The following EPHA3 variants were observed in gnomAD, a reference collection of about 807,000 sequenced individuals.
EPHA3 encodes the protein EPH receptor A3.
Under a neutral mutation model 107.1 loss-of-function variants are expected in EPHA3, and 42 were observed. The ratio of observed to expected loss-of-function variants is 0.39; its 90% CI spans 0.31 to 0.51. The LOEUF (loss-of-function observed/expected upper bound fraction) is 0.51, where lower values mean the gene tolerates loss of function less well. EPHA3 is among the 20% of genes least tolerant of loss of function. The pLI is 0.78. For missense variants in EPHA3, 1,183 were observed against 1,211.2 expected (o/e 0.98, Z 0.35); for synonymous variants, 461 against 424.8 (o/e 1.09, Z -1.05).
chr3:89,191,850 T>C (rs573353471), intron 2 of EPHA3, among the ~76,000 whole-genome samples: 13 of 152,288 alleles, frequency 8.5e-5, no homozygotes, highest in Non-Finnish European at 1.3e-4. Flanking sequence ...CTTTATCAGC[T>C]TCTCTTAGTA....
At chr3:89,145,881 CT>C (rs2107028380) in intron 2 of EPHA3, among the ~76,000 whole-genome samples, 1 of 151,436 alleles carries the variant, frequency 6.6e-6, no homozygotes, top group East Asian at 1.9e-4. Flanking sequence ...ATATCTTTGG[CT>C]TTAAAATAAG....
chr3:89,414,104 AAC>A (rs1559687087), intron 10 of EPHA3, among the ~76,000 whole-genome samples: 1 of 151,668 alleles, frequency 6.6e-6, no homozygotes, highest in Non-Finnish European at 1.5e-5. Flanking sequence ...TTCTCTGTGT[AAC>A]ATCAGATCAC....
rs537594400 is a variant in EPHA3, at chr3:89,309,727, C to T, written c.815-31189C>T. Among the ~76,000 whole-genome samples the T allele has an allele frequency of 2.0e-5, 3 of 152,024 alleles. No homozygotes were observed. The East Asian group carries it at 5.8e-4, about 29-fold the overall frequency. ...TTTGGTTTCAGGCCAAACCTATGTTCCCTAGGTCAATAGTAATATGTCGAA... is the reference window on the plus strand; with the variant it reads ...TTTGGTTTCAGGCCAAACCTATGTTTCCTAGGTCAATAGTAATATGTCGAA... On this transcript the variant is annotated intron_variant, in intron 3 of 16. Transcript: ENST00000336596.
chr3:89,312,271 A>G (rs772787508), intron 3 of EPHA3, among the ~76,000 whole-genome samples: 1 of 151,920 alleles, frequency 6.6e-6, no homozygotes, highest in Non-Finnish European at 1.5e-5. Flanking sequence ...TTTATTTATT[A>G]ATTCCATGCA....
At chr3:89,443,564 C>T (rs1709823506) in intron 13 of EPHA3, among the ~76,000 whole-genome samples, 1 of 152,120 alleles carries the variant, frequency 6.6e-6, no homozygotes, top group East Asian at 1.9e-4. Context: ...ATGAACTGCA[C>T]CTTTAAAATG....
intron 5 of EPHA3, among the ~76,000 whole-genome samples, chr3:89,371,358 G>C (rs1304794854): frequency 6.6e-6 from 1 of 151,574 alleles, no homozygotes; most frequent in Non-Finnish European, 1.5e-5. Flanking sequence ...CTCATTTAAT[G>C]AACATGCCCT....
At chr3:89,300,371 T>C (rs1182791639) in intron 3 of EPHA3, among the ~76,000 whole-genome samples, 2 of 152,010 alleles carry the variant, frequency 1.3e-5, no homozygotes, top group African/African-American at 4.8e-5. Context: ...GTAAAGTATA[T>C]GTTTCAAACT....
intron 3 of EPHA3, among the ~76,000 whole-genome samples, chr3:89,244,527 AT>A (rs958364077): frequency 7.2e-5 from 11 of 152,090 alleles, no homozygotes; most frequent in African/African-American, 2.7e-4. Context: ...TATTTATATT[AT>A]TTTTCTGTAT....
At chr3:89,243,239 G>T (rs995715720) in intron 3 of EPHA3, among the ~76,000 whole-genome samples, 4 of 152,134 alleles carry the variant, frequency 2.6e-5, no homozygotes, top group African/African-American at 7.2e-5. Flanking sequence ...CTTTATAGCA[G>T]CATGATATAT....
At chr3:89,423,966 A>G (rs1159089103) in intron 11 of EPHA3, among the ~76,000 whole-genome samples, 2 of 151,486 alleles carry the variant, frequency 1.3e-5, no homozygotes, top group South Asian at 2.1e-4. Context: ...AAGAAATATG[A>G]TGAAGCACTA....
intron 1 of EPHA3, 106 bp from the exon 2 acceptor site, chr3:89,127,103 T>A: frequency 1.2e-6 from 1 of 818,164 alleles, no homozygotes; most frequent in Non-Finnish European, 2.1e-6. Flanking sequence ...GAAGGAAGAG[T>A]TATGTTTTTT....
chr3:89,410,070 C>T (rs1439695358), intron 9 of EPHA3, among the ~76,000 whole-genome samples: 1 of 151,944 alleles, frequency 6.6e-6, no homozygotes, highest in African/African-American at 2.4e-5. Context: ...GCCTGAATCA[C>T]CTGATTCCTG....
chr3:89,254,923 A>T (rs1705246312), intron 3 of EPHA3, among the ~76,000 whole-genome samples: 1 of 152,164 alleles, frequency 6.6e-6, no homozygotes, highest in Admixed American at 6.5e-5. Context: ...GTTGAACTAA[A>T]TTGCTCTGTT....
chr3:89,419,004 CA>C (rs1416493774), intron 10 of EPHA3, among the ~76,000 whole-genome samples, 200 bp from the exon 11 acceptor site: 2 of 151,376 alleles, frequency 1.3e-5, no homozygotes, highest in Non-Finnish European at 3.0e-5. Flanking sequence ...CATTTTCCAA[CA>C]GGGGGTGACT....
rs547772050 is a variant in EPHA3, at chr3:89,466,803, G to A, written c.2691-5661G>A. Among the ~76,000 whole-genome samples the A allele has an allele frequency of 4.2e-5, 5 of 118,556 alleles. 2 individuals carry two copies. The highest frequency in any genetic ancestry group is 9.5e-5 in the Non-Finnish European group (5 of 52,762). The allele number at this position is 118,556 out of a possible 152,430, so 77.8% of individuals were successfully genotyped here. On this transcript the variant is annotated intron_variant, in intron 15 of 16. Transcript: ENST00000336596. The stretch of plus-strand genomic sequence containing the variant: ...AATCACCGTCTTATGCGTCGCTCAC[G>A]CTGGGAGCTGTAGACCGGAGCTGTT...
chr3:89,348,542 T>G (rs1707729887), intron 5 of EPHA3, among the ~76,000 whole-genome samples: 1 of 140,770 alleles, frequency 7.1e-6, no homozygotes, highest in African/African-American at 2.9e-5. Context: ...GTCTATCAAT[T>G]TTGTTGATCC....
At chr3:89,441,816 T>A (rs971053959) in intron 13 of EPHA3, among the ~76,000 whole-genome samples, 1 of 152,186 alleles carries the variant, frequency 6.6e-6, no homozygotes, top group African/African-American at 2.4e-5. Flanking sequence ...AGTTTGATAG[T>A]CTCAGAACTA....
At chr3:89,235,132 G>A (rs1232787193) in intron 3 of EPHA3, among the ~76,000 whole-genome samples, 1 of 147,566 alleles carries the variant, frequency 6.8e-6, no homozygotes, top group African/African-American at 2.5e-5. Flanking sequence ...ATGTTGGCCA[G>A]TCTGGTCTCG....
chr3:89,416,822 G>A (rs1017245130), intron 10 of EPHA3, among the ~76,000 whole-genome samples: 14 of 151,302 alleles, frequency 9.3e-5, no homozygotes, highest in African/African-American at 3.4e-4. Flanking sequence ...TTACAACAAA[G>A]AACACTCTTA....
Sources: allele counts gnomAD v4.1 joint callset (sites outside exome capture counted in the v4.1 genomes callset), GRCh38; gene constraint gnomAD v4.1.1; transcripts MANE v1.5; gene names NCBI Gene and HGNC (gene_info 2026-07-23, HGNC 2026-07-21).